Variants in TMEM115 observed in about 807,000 individuals in gnomAD.
TMEM115 encodes the protein PP6.
In TMEM115, 8 loss-of-function variants were observed where a neutral mutation model predicts 20.1. That is an observed-to-expected ratio of 0.40 (90% CI 0.23 to 0.72). The LOEUF is 0.72. TMEM115 is among the 30% of genes least tolerant of loss of function. The pLI, the probability that TMEM115 is intolerant of heterozygous loss-of-function variation, is 0.39. For missense variants in TMEM115, 374 were observed against 455.1 expected, an observed-to-expected ratio of 0.82 and a Z score of 1.62; for synonymous variants, 229 against 206.2, an observed-to-expected ratio of 1.11 and a Z score of -0.95.
At chr3:50,358,190 G>A in intron 1 of TMEM115, 23 bp downstream of exon 1, 1 of 1,608,868 alleles carries the variant, frequency 6.2e-7, no homozygotes, top group Non-Finnish European at 8.5e-7. Context: ...AGCTTGACAA[G>A]ATTTTGGAAA....
Position 50,355,331 on chromosome 3 carries a change from G to C in TMEM115, c.*12C>G. 6.8e-7 allele frequency: 1 copy of C among 1,470,212 alleles called. No individual in the cohort carries two copies. The highest frequency in any genetic ancestry group is 9.0e-7 in the Non-Finnish European group (1 of 1,105,980). 91.1% of individuals were successfully genotyped at this position (1,470,212 alleles called of 1,614,324 possible). Reference sequence around the variant, plus strand: ...TTGGGAGGGGAGGTGCCACACTCAAGGTGGTCTGGAGTTACAGCGTCGGGG... The same window carrying C: ...TTGGGAGGGGAGGTGCCACACTCAACGTGGTCTGGAGTTACAGCGTCGGGG... On this transcript the variant is annotated 3_prime_UTR_variant, in exon 2 of 2. Coordinates refer to ENST00000266025, the MANE Select transcript of TMEM115 (RefSeq NM_007024.5).
chr3:50,357,800 T>C (rs778261457), intron 1 of TMEM115, among the ~76,000 whole-genome samples: 14 of 152,198 alleles, frequency 9.2e-5, no homozygotes, highest in Non-Finnish European at 8.8e-5. Context: ...CATTTGGAAA[T>C]TGGAGTGGCC....
intron 1 of TMEM115, among the ~76,000 whole-genome samples, chr3:50,356,065 C>A (rs1355298324): frequency 6.6e-6 from 1 of 152,214 alleles, no homozygotes; most frequent in African/African-American, 2.4e-5. Context: ...TGGCTCTCAG[C>A]CCAGGAAGCA....
In TMEM115 at chr3:50,359,016, C is replaced by G; in HGVS notation, c.48G>C (p.Leu16=). 6.4e-7 allele frequency: 1 copy of G among 1,567,482 alleles called. No homozygotes were observed. Among genetic ancestry groups the G allele is most frequent in the East Asian group, 2.4e-5 (1 of 42,082 alleles). The change falls in exon 1 of 2, where the codon CTG becomes CTC. Residue 16 remains leucine, a synonymous_variant. Coordinates refer to ENST00000266025, the MANE Select transcript of TMEM115 (RefSeq NM_007024.5). ...PGARQHLGAI[L]ASASVVVKAL... is the part of the protein sequence containing the mutation. ...CCTTCACCACCACGCTGGCGCTGGC[C>G]AGAATGGCCCCCAAGTGCTGGCGGG... is the stretch of plus-strand genomic sequence containing the variant.
intron 1 of TMEM115, among the ~76,000 whole-genome samples, chr3:50,357,862 G>A (rs1703902118): frequency 6.6e-6 from 1 of 152,176 alleles, no homozygotes; most frequent in Non-Finnish European, 1.5e-5. Flanking sequence ...TTCCTCACAG[G>A]GGAAAGTACC....
chr3:50,358,210 T>C lies in TMEM115; in HGVS notation c.851+3A>G, dbSNP rs1703906192. 2 of 1,611,726 alleles carry C rather than the reference T, an allele frequency of 1.2e-6. No homozygotes were observed. The highest frequency in any genetic ancestry group is 1.7e-6 in the Non-Finnish European group (2 of 1,178,178). The stretch of plus-strand genomic sequence containing the variant: ...GACAAGATTTTGGAAAATTTCACAG[T>C]ACCTTCTCCGCTCGGCGTCTTGAGG... On this transcript the variant is annotated splice_donor_region_variant and intron_variant, in intron 1 of 1. Coordinates refer to ENST00000266025, the MANE Select transcript of TMEM115 (RefSeq NM_007024.5).
chr3:50,359,255 C>G lies in TMEM115; in HGVS notation c.-192G>C. On this transcript the variant is annotated 5_prime_UTR_variant, in exon 1 of 2. Transcript: ENST00000266025. ...GCCGAGTCGGGCCTTGTTGCCGGGC[C>G]GCAGCGTAGGCCCCTCGCCCGGGAC... 1.1e-6 allele frequency: 1 copy of G among 916,496 alleles called. No homozygotes were observed. The highest frequency in any genetic ancestry group is 1.8e-5 in the South Asian group (1 of 55,204). The allele number at this position is 916,496 out of a possible 1,614,324, so 56.8% of individuals were successfully genotyped here. A position where few individuals can be genotyped will look rare whatever the true frequency, so the allele number is the denominator to read the frequency against.
In TMEM115 at chr3:50,354,988, C is replaced by T. The variant is rs1703844275; in HGVS notation, c.*355G>A. 1 of 213,988 alleles carries T rather than the reference C, an allele frequency of 4.7e-6. No homozygotes were observed. The highest frequency in any genetic ancestry group is 2.3e-5 in the African/African-American group (1 of 43,762). 13.3% of individuals were successfully genotyped at this position (213,988 alleles called of 1,614,324 possible). A position where few individuals can be genotyped will look rare whatever the true frequency, so the allele number is the denominator to read the frequency against. On this transcript the variant is annotated 3_prime_UTR_variant, in exon 2 of 2. Coordinates refer to ENST00000266025, the MANE Select transcript of TMEM115 (RefSeq NM_007024.5). ...CAGAACATTTTTGGCAAATCCTTGC[C>T]TTGGCTCAGGGCTCTCGGCAACCAG...
chr3:50,359,281 C>G lies in TMEM115; in HGVS notation c.-218G>C, dbSNP rs1403510210. 1.4e-6 allele frequency: 1 copy of G among 730,010 alleles called. No individual in the cohort carries two copies. The highest frequency in any genetic ancestry group is 2.0e-5 in the South Asian group (1 of 50,668). The allele number at this position is 730,010 out of a possible 1,614,324, so 45.2% of individuals were successfully genotyped here. On this transcript the variant is annotated 5_prime_UTR_variant, in exon 1 of 2. Coordinates refer to ENST00000266025, the MANE Select transcript of TMEM115 (RefSeq NM_007024.5). Reference sequence around the variant, plus strand: ...GCAGCGTAGGCCCCTCGCCCGGGACCTGAGGGAAGGCCCTGGACGGCTGCG... The same window carrying G: ...GCAGCGTAGGCCCCTCGCCCGGGACGTGAGGGAAGGCCCTGGACGGCTGCG...
At chr3:50,357,490 G>GGA (rs1485875913) in intron 1 of TMEM115, among the ~76,000 whole-genome samples, 2 of 152,198 alleles carry the variant, frequency 1.3e-5, no homozygotes, top group African/African-American at 4.8e-5. Context: ...CACAGATCTG[G>GGA]GAGAGAGAGT....
Position 50,359,247 on chromosome 3 carries a change from T to G in TMEM115, c.-184A>C. 9.9e-7 allele frequency: 1 copy of G among 1,007,698 alleles called. No homozygotes were observed. The highest frequency in any genetic ancestry group is 1.8e-5 in the South Asian group (1 of 56,974). The allele number at this position is 1,007,698 out of a possible 1,614,324, so 62.4% of individuals were successfully genotyped here. On this transcript the variant is annotated 5_prime_UTR_variant, in exon 1 of 2. Coordinates refer to ENST00000266025, the MANE Select transcript of TMEM115 (RefSeq NM_007024.5). ...CCCGAGGGGCCGAGTCGGGCCTTGTTGCCGGGCCGCAGCGTAGGCCCCTCG... is the reference window on the plus strand; with the variant it reads ...CCCGAGGGGCCGAGTCGGGCCTTGTGGCCGGGCCGCAGCGTAGGCCCCTCG...
rs1366046240 is a variant in TMEM115 at position 50,354,867 on chromosome 3, C to T, written c.*476G>A. 3 of 153,772 alleles carry T rather than the reference C, an allele frequency of 2.0e-5. No individual in the cohort carries two copies. The highest frequency in any genetic ancestry group is 4.4e-5 in the Non-Finnish European group (3 of 68,930). The allele number at this position is 153,772 out of a possible 1,614,324, so 9.5% of individuals were successfully genotyped here. A position where few individuals can be genotyped will look rare whatever the true frequency, so the allele number is the denominator to read the frequency against. Reference sequence around the variant, plus strand: ...TGTTCTGGTCCAGAAGCAGTCACCGCCACAGCAGAGGGAAACAAATCCTGA... The same window carrying T: ...TGTTCTGGTCCAGAAGCAGTCACCGTCACAGCAGAGGGAAACAAATCCTGA... On this transcript the variant is annotated 3_prime_UTR_variant, in exon 2 of 2. Transcript: ENST00000266025.
At position 50,355,458 on chromosome 3, in the gene TMEM115, G is replaced by T. The variant is rs777514349; in HGVS notation, c.941C>A (p.Ser314Tyr). The change falls in exon 2 of 2, where the codon TCT (serine) becomes TAT (tyrosine). Residue 314 changes from serine (S) to tyrosine (Y), a missense_variant. Transcript: ENST00000266025. ...WPSMDDDEEE[S>Y]GAKVDSPLPS... ...CAGGGGGCTGTCCACCTTGGCCCCA[G>T]ACTCCTCTTCATCATCATCCATGCT... The T allele has an allele frequency of 1.2e-6, 2 of 1,608,016 alleles. No individual in the cohort carries two copies. The highest frequency in any genetic ancestry group is 2.7e-5 in the African/African-American group (2 of 74,792).
At position 50,355,320 on chromosome 3, in the gene TMEM115, G is replaced by A. The variant is rs746907200; in HGVS notation, c.*23C>T. 5.8e-5 allele frequency: 84 copies of A among 1,457,098 alleles called. No homozygotes were observed. The highest frequency in any genetic ancestry group is 4.4e-4 in the East Asian group (17 of 38,808). The allele number at this position is 1,457,098 out of a possible 1,614,324, so 90.3% of individuals were successfully genotyped here. On this transcript the variant is annotated 3_prime_UTR_variant, in exon 2 of 2. Transcript: ENST00000266025. The stretch of plus-strand genomic sequence containing the variant: ...TCAAGGGGGGCTTGGGAGGGGAGGT[G>A]CCACACTCAAGGTGGTCTGGAGTTA...
chr3:50,357,552 A>G (rs1332243047), intron 1 of TMEM115, among the ~76,000 whole-genome samples: 1 of 152,220 alleles, frequency 6.6e-6, no homozygotes, highest in African/African-American at 2.4e-5. Context: ...CATTCAGTGA[A>G]TAATTCAGCT....
intron 1 of TMEM115, among the ~76,000 whole-genome samples, chr3:50,355,917 G>C (rs1484620384): frequency 6.6e-6 from 1 of 152,206 alleles, no homozygotes; most frequent in Admixed American, 6.5e-5. Context: ...GCAAGTTCTG[G>C]AGTTTCCAGG....
chr3:50,358,650 G>A lies in TMEM115; in HGVS notation c.414C>T (p.Ala138=), dbSNP rs144851898. ...VYLFTVRIHG[A]LGFLGGVLVA... is the part of the protein sequence containing the mutation. ...CCAGGACGCCACCTAGGAAGCCCAA[G>A]GCGCCGTGGATACGGACAGTGAACA... Residue 138 remains alanine, a synonymous_variant, in exon 1 of 2, where the codon GCC becomes GCT. Coordinates refer to ENST00000266025, the MANE Select transcript of TMEM115 (RefSeq NM_007024.5). The A allele has an allele frequency of 1.9e-6, 3 of 1,613,198 alleles. No individual in the cohort carries two copies. The highest frequency in any genetic ancestry group is 2.5e-6 in the Non-Finnish European group (3 of 1,179,924).
At chr3:50,357,290 C>G (rs1428817962) in intron 1 of TMEM115, among the ~76,000 whole-genome samples, 1 of 152,238 alleles carries the variant, frequency 6.6e-6, no homozygotes, top group South Asian at 2.1e-4. Context: ...ACAGGGATAA[C>G]TGCAGCTAAA....
Position 50,359,054 on chromosome 3 carries a change from C to T in TMEM115, c.10G>A (p.Ala4Thr). 1 of 1,549,184 alleles carries T rather than the reference C, an allele frequency of 6.5e-7. No homozygotes were observed. Among genetic ancestry groups the T allele is most frequent in the South Asian group, 1.2e-5 (1 of 84,390 alleles). MQR[A>T]LPGARQHLGA... ...AAGTGCTGGCGGGCGCCTGGCAGGG[C>T]ACGTTGCATCTTCCTGGCGGCTGTC... Residue 4 changes from alanine to threonine, a missense_variant, in exon 1 of 2, where the codon GCC becomes ACC. By Grantham distance (58) the Ala-to-Thr change is moderately conservative. Coordinates refer to ENST00000266025, the MANE Select transcript of TMEM115 (RefSeq NM_007024.5).
Sources: gnomAD v4.1 joint callset for allele counts (sites outside exome capture counted in the v4.1 genomes callset) on GRCh38, gnomAD v4.1.1 for gene constraint, MANE v1.5 for transcripts, NCBI Gene and HGNC (gene_info 2026-07-23, HGNC 2026-07-21) for gene names.